TTF2: variants seen among roughly 807,000 people sequenced by gnomAD.
TTF2 encodes the protein RNA polymerase II termination factor.
TTF2 carries 108 observed loss-of-function variants against 142.4 expected under a neutral mutation model. The ratio of observed to expected loss-of-function variants is 0.76; its 90% CI spans 0.65 to 0.89. The LOEUF (loss-of-function observed/expected upper bound fraction) is 0.89, where lower values mean the gene tolerates loss of function less well. TTF2 is among the 40% of genes least tolerant of loss of function. The pLI, the probability that TTF2 is intolerant of heterozygous loss-of-function variation, is 0.00. For synonymous variants in TTF2, 483 were observed against 506.2 expected, an observed-to-expected ratio of 0.95 and a Z score of 0.61; for missense variants, 1,327 against 1,379.8, an observed-to-expected ratio of 0.96 and a Z score of 0.61.
At position 117,087,656 on chromosome 1, in the gene TTF2, C is replaced by T. The variant is rs1648147267; in HGVS notation, c.2160+1134C>T. On this transcript the variant is annotated intron_variant, in intron 12 of 22. Coordinates refer to ENST00000369466, the MANE Select transcript of TTF2 (RefSeq NM_003594.4). The surrounding 1 kb of genome is among the most constrained non-coding windows in gnomAD (Gnocchi z 4.8). ...GCTCATCTCTTGATGACACCCTGCC[C>T]CTCCCTGGGGCACCTCTTGCTCAGT... Among the ~76,000 whole-genome samples, 1 of 152,162 alleles carries T rather than the reference C, an allele frequency of 6.6e-6. No homozygotes were observed.
In TTF2 at chr1:117,084,158, C is replaced by G; in HGVS notation, c.2044C>G (p.Arg682Gly). Residue 682 changes from arginine to glycine, a missense_variant, in exon 11 of 23, where the codon CGT (arginine) becomes GGT (glycine). Transcript: ENST00000369466. ...CTACCATGGGCCAAACCGGGATTCA[C>G]GTGCCAGAGTGTAAGTGCAGGAATA... The part of the protein sequence containing the change: ...YLYHGPNRDS[R>G]ARVLSTYDIV... 2 of 1,614,220 alleles carry G rather than the reference C, an allele frequency of 1.2e-6. No individual in the cohort carries two copies. The highest frequency in any genetic ancestry group is 2.2e-5 in the South Asian group (2 of 91,080).
chr1:117,077,834 G>A (rs1657137626), intron 7 of TTF2, 82 bp from the exon 8 acceptor site: 2 of 1,553,666 alleles, frequency 1.3e-6, no homozygotes, highest in Non-Finnish European at 1.8e-6. Flanking sequence ...CAGATACAGG[G>A]CCATTTGTAG....
At chr1:117,094,331 C>T (rs935378259) in intron 18 of TTF2, among the ~76,000 whole-genome samples, 2 of 152,180 alleles carry the variant, frequency 1.3e-5, no homozygotes, top group Non-Finnish European at 2.9e-5. Context: ...TCCTGATTGA[C>T]TTACAGCCCA....
Position 117,097,404 on chromosome 1 carries a change from A to C in TTF2, c.3240A>C (p.Gly1080=). 6.2e-7 allele frequency: 1 copy of C among 1,614,112 alleles called. No homozygotes were observed. The highest frequency in any genetic ancestry group is 2.2e-5 in the East Asian group (1 of 44,870). Residue 1080 remains glycine (G), a synonymous_variant, in exon 21 of 23, where the codon GGA becomes GGC. Transcript: ENST00000369466. This position sits in a 1 kb window ranked among gnomAD's most constrained non-coding sequence, Gnocchi z 4.1. ...AGGVGLNLTG[G]NHLFLLDMHW... is the part of the protein sequence containing the mutation. ...GTGTTGGTCTAAACCTGACTGGAGG[A>C]AATCACCTCTTTCTTTTGGACATGC...
At position 117,101,536 on chromosome 1, in the gene TTF2, TAAG is replaced by T; in HGVS notation, c.*13_*15del. Reference sequence around the variant, plus strand: ...TTTTTGGCATCTAACCTCCTGTGGATAAGGGCTCAGAATAGCACCATTGCTGGT... The same window carrying T: ...TTTTTGGCATCTAACCTCCTGTGGATGGCTCAGAATAGCACCATTGCTGGT... On this transcript the variant is annotated 3_prime_UTR_variant, in exon 23 of 23. Coordinates refer to ENST00000369466, the MANE Select transcript of TTF2 (RefSeq NM_003594.4). The surrounding 1 kb of genome is among the most constrained non-coding windows in gnomAD (Gnocchi z 5.9). The T allele has an allele frequency of 6.3e-7, 1 of 1,579,814 alleles. No homozygotes were observed. The highest frequency in any genetic ancestry group is 8.5e-7 in the Non-Finnish European group (1 of 1,170,216).
Position 117,105,109 on chromosome 1 carries a change from A to G in TTF2, c.*3585A>G, listed in dbSNP as rs952958506. On this transcript the variant is annotated 3_prime_UTR_variant, in exon 23 of 23. Transcript: ENST00000369466. The surrounding 1 kb of genome is among the most constrained non-coding windows in gnomAD (Gnocchi z 4.7). ...TCTGCCTATTGCACCTGACTTGGGCATGGATGATATGAGGTAATAAATGCT... is the reference window on the plus strand; with the variant it reads ...TCTGCCTATTGCACCTGACTTGGGCGTGGATGATATGAGGTAATAAATGCT... The G allele has an allele frequency of 3.3e-5, 5 of 152,186 alleles. No homozygotes were observed. Among genetic ancestry groups the G allele is most frequent in the African/African-American group, 4.8e-5 (2 of 41,446 alleles). The allele number at this position is 152,186 out of a possible 1,614,324, so 9.4% of individuals were successfully genotyped here.
Position 117,101,530 on chromosome 1 carries a change from TG to T in TTF2, c.*7del. The T allele has an allele frequency of 1.3e-6, 2 of 1,582,620 alleles. No individual in the cohort carries two copies. Among genetic ancestry groups the T allele is most frequent in the South Asian group, 2.4e-5 (2 of 84,964 alleles). ...GAGTCCTTTTTGGCATCTAACCTCC[TG>T]TGGATAAGGGCTCAGAATAGCACCA... On this transcript the variant is annotated 3_prime_UTR_variant, in exon 23 of 23. Transcript: ENST00000369466. The surrounding 1 kb of genome is among the most constrained non-coding windows in gnomAD (Gnocchi z 5.9).
At chr1:117,088,226 A>C (rs1009391386) in intron 12 of TTF2, among the ~76,000 whole-genome samples, 1 of 152,188 alleles carries the variant, frequency 6.6e-6, no homozygotes, top group Non-Finnish European at 1.5e-5. Context: ...CCATTGCTTA[A>C]GTGTGTATTT....
rs1447692894 is a variant in TTF2, at chr1:117,063,403, C to T, written c.218+930C>T. Among the ~76,000 whole-genome samples, 1 of 152,194 alleles carries T rather than the reference C, an allele frequency of 6.6e-6. No individual in the cohort carries two copies. Among genetic ancestry groups the T allele is most frequent in the African/African-American group, 2.4e-5 (1 of 41,438 alleles). ...CCCTTCAAGTTAATTTCACCCCTCC[C>T]ATCTCCACCCCTGTCAGCAATCACT... On this transcript the variant is annotated intron_variant, in intron 3 of 22. Coordinates refer to ENST00000369466, the MANE Select transcript of TTF2 (RefSeq NM_003594.4). The surrounding 1 kb of genome is among the most constrained non-coding windows in gnomAD (Gnocchi z 4.1).
chr1:117,097,456 G>C lies in TTF2; in HGVS notation c.3269+23G>C. On this transcript the variant is annotated intron_variant, in intron 21 of 22. Transcript: ENST00000369466. This position sits in a 1 kb window ranked among gnomAD's most constrained non-coding sequence, Gnocchi z 4.1. ...CTGGTAATGATTCCGGATTTGTCCT[G>C]GGTTGTCACAGCACATCAAGGAGGC... 1 of 1,612,174 alleles carries C rather than the reference G, an allele frequency of 6.2e-7. No individual in the cohort carries two copies. The highest frequency in any genetic ancestry group is 2.2e-5 in the East Asian group (1 of 44,878).
chr1:117,063,676 C>G lies in TTF2; in HGVS notation c.218+1203C>G, dbSNP rs1655860581. Among the ~76,000 whole-genome samples, 1 of 151,752 alleles carries G rather than the reference C, an allele frequency of 6.6e-6. No individual in the cohort carries two copies. The highest frequency in any genetic ancestry group is 2.1e-4 in the South Asian group (1 of 4,818). ...ACGTTATCTGTTTAAATATTTTATCCTTTTTTTTGCATTGAAATTTTTATC... is the reference window on the plus strand; with the variant it reads ...ACGTTATCTGTTTAAATATTTTATCGTTTTTTTTGCATTGAAATTTTTATC... On this transcript the variant is annotated intron_variant, in intron 3 of 22. Transcript: ENST00000369466. This position sits in a 1 kb window ranked among gnomAD's most constrained non-coding sequence, Gnocchi z 4.1.
In TTF2 at chr1:117,079,721, C is replaced by G; in HGVS notation, c.1783+72C>G. ...TTGTGCTAAACACGTAGTGTTGTTT[C>G]ATTTATTCCTCTCAAGAACTCTATG... On this transcript the variant is annotated intron_variant, in intron 9 of 22. Transcript: ENST00000369466. The surrounding 1 kb of genome is among the most constrained non-coding windows in gnomAD (Gnocchi z 4.2). The G allele has an allele frequency of 7.1e-7, 1 of 1,408,590 alleles. No homozygotes were observed. The highest frequency in any genetic ancestry group is 1.2e-5 in the South Asian group (1 of 86,560). 87.3% of individuals were successfully genotyped at this position (1,408,590 alleles called of 1,614,324 possible). A position where few individuals can be genotyped will look rare whatever the true frequency, so the allele number is the denominator to read the frequency against.
In TTF2 at chr1:117,107,126, C is replaced by T. The variant is rs1227754050; in HGVS notation, c.*5602C>T. On this transcript the variant is annotated 3_prime_UTR_variant, in exon 23 of 23. Coordinates refer to ENST00000369466, the MANE Select transcript of TTF2 (RefSeq NM_003594.4). ...TGGGGACAGCTCCTAAATCCTCCCACTCTTTTTTTGCCTCACCTTGGAGTC... is the reference window on the plus strand; with the variant it reads ...TGGGGACAGCTCCTAAATCCTCCCATTCTTTTTTTGCCTCACCTTGGAGTC... 1 of 152,202 alleles carries T rather than the reference C, an allele frequency of 6.6e-6. No individual in the cohort carries two copies. Among genetic ancestry groups the T allele is most frequent in the Admixed American group, 6.5e-5 (1 of 15,276 alleles). 9.4% of individuals were successfully genotyped at this position (152,202 alleles called of 1,614,324 possible). A position where few individuals can be genotyped will look rare whatever the true frequency, so the allele number is the denominator to read the frequency against.
Position 117,060,336 on chromosome 1 carries a change from G to A in TTF2, c.-11G>A, listed in dbSNP as rs768633603. On this transcript the variant is annotated 5_prime_UTR_variant, in exon 1 of 23. Transcript: ENST00000369466. ...GGGCGGGGCTTTGTGGAACTTGGGG[G>A]ACCCAGCGAAATGGAAGAAGTTAGG... is the stretch of plus-strand genomic sequence containing the variant. The A allele has an allele frequency of 6.3e-7, 1 of 1,596,466 alleles. No homozygotes were observed. The highest frequency in any genetic ancestry group is 1.1e-5 in the South Asian group (1 of 88,986).
Position 117,076,065 on chromosome 1 carries a change from C to A in TTF2, c.1276-115C>A. On this transcript the variant is annotated intron_variant, in intron 5 of 22. Coordinates refer to ENST00000369466, the MANE Select transcript of TTF2 (RefSeq NM_003594.4). The surrounding 1 kb of genome is among the most constrained non-coding windows in gnomAD (Gnocchi z 4.6). Reference sequence around the variant, plus strand: ...TTTAAAAAAGGTTCTGGTTTTTGCACACATATTTAAAAGACCATAATTTCA... The same window carrying A: ...TTTAAAAAAGGTTCTGGTTTTTGCAAACATATTTAAAAGACCATAATTTCA... 1 of 1,297,058 alleles carries A rather than the reference C, an allele frequency of 7.7e-7. No homozygotes were observed. Among genetic ancestry groups the A allele is most frequent in the Non-Finnish European group, 1.1e-6 (1 of 951,852 alleles). 80.3% of individuals were successfully genotyped at this position (1,297,058 alleles called of 1,614,324 possible).
chr1:117,074,466 T>TGGAG (rs546693465), intron 4 of TTF2, among the ~76,000 whole-genome samples: 21 of 152,024 alleles, frequency 1.4e-4, no homozygotes, highest in Admixed American at 1.3e-3. Context: ...TTTGTGGGTT[T>TGGAG]GGCACGTCAT....
rs537063851 is a variant in TTF2, at chr1:117,075,073, C to T, written c.489C>T (p.Phe163=). The part of the protein sequence containing the change: ...KKQREKGDQL[F]DQKKEQKPEM... ...AAAGAGAAAAGGGAGATCAGCTTTT[C>T]GATCAAAAGAAAGAACAGAAGCCTG... The change falls in exon 5 of 23, where the codon TTC becomes TTT. Residue 163 remains phenylalanine, a synonymous_variant. Coordinates refer to ENST00000369466, the MANE Select transcript of TTF2 (RefSeq NM_003594.4). This position sits in a 1 kb window ranked among gnomAD's most constrained non-coding sequence, Gnocchi z 4.5. 67 of 1,613,794 alleles carry T rather than the reference C, an allele frequency of 4.2e-5. No individual in the cohort carries two copies. Among genetic ancestry groups the T allele is most frequent in the African/African-American group, 1.6e-4 (12 of 74,916 alleles).
Position 117,090,611 on chromosome 1 carries a change from T to C in TTF2, c.2576T>C (p.Phe859Ser). 1 of 1,613,994 alleles carries C rather than the reference T, an allele frequency of 6.2e-7. No individual in the cohort carries two copies. Among genetic ancestry groups the C allele is most frequent in the Non-Finnish European group, 8.5e-7 (1 of 1,179,930 alleles). Residue 859 changes from phenylalanine (F) to serine (S), a missense_variant, in exon 15 of 23, where the codon TTT becomes TCT. By Grantham distance (155) the Phe-to-Ser change is radical (BLOSUM62 -2). Transcript: ENST00000369466. This position sits in a 1 kb window ranked among gnomAD's most constrained non-coding sequence, Gnocchi z 4.8. ...EDEETVYNVFFARSRSALQSY... is the reference protein window; with the variant it reads ...EDEETVYNVFSARSRSALQSY... ...GAAGAGACTGTTTACAATGTGTTTT[T>C]TGCAAGATCAAGGTGTGTGTATTAA... is the stretch of plus-strand genomic sequence containing the variant.
intron 11 of TTF2, 72 bp downstream of exon 11, chr1:117,084,240 A>G (rs2101081646): frequency 1.3e-6 from 2 of 1,574,824 alleles, no homozygotes; most frequent in South Asian, 1.1e-5. Context: ...CTTTGCTCCC[A>G]TCCCTGAGAT....
Sources: allele counts gnomAD v4.1 joint callset (sites outside exome capture counted in the v4.1 genomes callset), GRCh38; gene constraint gnomAD v4.1.1; non-coding constraint Gnocchi (gnomAD v3.1); transcripts MANE v1.5; gene names NCBI Gene and HGNC (gene_info 2026-07-23, HGNC 2026-07-21).